Variants in WDFY4 observed in about 807,000 individuals in gnomAD.
WDFY4 encodes WD repeat- and FYVE domain-containing protein 4.
WDFY4 carries 169 observed loss-of-function variants against 351.9 expected under a neutral mutation model. The ratio of observed to expected loss-of-function variants is 0.48; its 90% CI spans 0.42 to 0.55. The LOEUF (loss-of-function observed/expected upper bound fraction) is 0.55. Ranked by LOEUF, WDFY4 falls within the 20% of genes least tolerant of loss-of-function variation. WDFY4 has a pLI of 0.00. For missense variants in WDFY4, 3,803 were observed against 3,935.6 expected (o/e 0.97, Z 0.90); for synonymous variants, 1,622 against 1,574.6 (o/e 1.03, Z -0.71).
At chr10:48,806,820 T>C (rs1223164324) in intron 27 of WDFY4, among the ~76,000 whole-genome samples, 1 of 152,228 alleles carries the variant, frequency 6.6e-6, no homozygotes, top group Non-Finnish European at 1.5e-5. Context: ...TTTTAACTAA[T>C]TAAAATTAAA....
intron 32 of WDFY4, among the ~76,000 whole-genome samples, chr10:48,818,937 C>A (rs1023551794): frequency 6.6e-6 from 1 of 152,192 alleles, no homozygotes; most frequent in Admixed American, 6.5e-5. Context: ...GGCTCCCCCT[C>A]GACACTTCCC....
Position 48,786,686 on chromosome 10 carries a change from A to G in WDFY4, c.3624A>G (p.Pro1208=), listed in dbSNP as rs1401583020. The change falls in exon 20 of 62, where the codon CCA becomes CCG. Residue 1208 remains proline (P), a synonymous_variant. Coordinates refer to ENST00000325239, the MANE Select transcript of WDFY4 (RefSeq NM_001394531.1). The stretch of plus-strand genomic sequence containing the variant: ...CAGGGCCTTTCCTTTCTATGGATCC[A>G]TCCGCATTTGTGGATGTTTATGGAT... ...ALPGPFLSMD[P]SAFVDVYGYI... is the part of the protein sequence containing the mutation. The G allele has an allele frequency of 6.4e-7, 1 of 1,552,194 alleles. No homozygotes were observed. The highest frequency in any genetic ancestry group is 8.7e-7 in the Non-Finnish European group (1 of 1,147,094).
chr10:48,765,500 C>G (rs1295018383), intron 13 of WDFY4, among the ~76,000 whole-genome samples: 3 of 152,216 alleles, frequency 2.0e-5, no homozygotes, highest in Non-Finnish European at 2.9e-5. Flanking sequence ...ACAGGACACA[C>G]TTGCTAAATG....
At position 48,810,667 on chromosome 10, in the gene WDFY4, G is replaced by A. The variant is rs369979261; in HGVS notation, c.4976G>A (p.Arg1659Gln). 3.4e-5 allele frequency: 53 copies of A among 1,551,590 alleles called. No homozygotes were observed. Among genetic ancestry groups the A allele is most frequent in the East Asian group, 4.9e-5 (2 of 40,914 alleles). ...CTGGCAAGCCCCTCCCTCCGCACAC[G>A]GTTTAGAGATGGCCTGTGTGCAGGA... ...YFLASPSLRT[R>Q]FRDGLCAGSW... The change falls in exon 29 of 62, where the codon CGG becomes CAG. Residue 1659 changes from arginine to glutamine, a missense_variant. Arg to Gln is a conservative substitution (Grantham distance 43). This residue lies in a region of WDFY4 where 3,054 missense variants were observed against 3,148.6 expected (regional missense o/e 0.97). Transcript: ENST00000325239.
Position 48,836,092 on chromosome 10 carries a change from A to G in WDFY4, c.6663+3383A>G, listed in dbSNP as rs201756405. On this transcript the variant is annotated intron_variant, in intron 39 of 61. Transcript: ENST00000325239. ...GCCTTTGTCGCTAACAGAAGGCACA[A>G]CTTCTCAGGTACATATGTACACTGT... 4.6e-5 allele frequency among the ~76,000 whole-genome samples: 7 copies of G among 152,334 alleles called. No homozygotes were observed. The East Asian group carries it at 9.6e-4, about 21-fold the overall frequency.
intron 43 of WDFY4, among the ~76,000 whole-genome samples, chr10:48,880,231 C>T (rs1259220674): frequency 1.3e-5 from 2 of 152,208 alleles, no homozygotes; most frequent in Non-Finnish European, 2.9e-5. Flanking sequence ...CCGAGTGAGT[C>T]CCAGCCCCGC....
chr10:48,957,521 G>T (rs914616809), intron 52 of WDFY4, among the ~76,000 whole-genome samples: 2 of 152,216 alleles, frequency 1.3e-5, no homozygotes, highest in Admixed American at 1.3e-4. Context: ...CTTTTCCTCC[G>T]AGGGTCCCAG....
In WDFY4 at chr10:48,826,735, A is replaced by C. The variant is rs1189088958; in HGVS notation, c.6047A>C (p.Lys2016Thr). The change falls in exon 36 of 62, where the codon AAA becomes ACA. Residue 2016 changes from lysine to threonine, a missense_variant. By Grantham distance (78) the Lys-to-Thr change is moderately conservative (BLOSUM62 -1). This residue lies in a region of WDFY4 where 3,054 missense variants were observed against 3,148.6 expected (regional missense o/e 0.97). Transcript: ENST00000325239. ...AGCACTTTATACAGCAGTTTAAATA[A>C]AGTCATTCTTTATTGCCTATCCAAG... ...VLSTLYSSLN[K>T]VILYCLSKPQ... The C allele has an allele frequency of 6.4e-7, 1 of 1,551,702 alleles. No individual in the cohort carries two copies. Among genetic ancestry groups the C allele is most frequent in the East Asian group, 2.4e-5 (1 of 40,936 alleles).
chr10:48,973,590 C>T (rs967315510), intron 57 of WDFY4, among the ~76,000 whole-genome samples: 14 of 152,254 alleles, frequency 9.2e-5, no homozygotes, highest in African/African-American at 3.4e-4. Context: ...AATGCCACCT[C>T]CGTGCCCCTC....
At chr10:48,851,702 G>GTTTTGACT (rs2068963498) in intron 39 of WDFY4, among the ~76,000 whole-genome samples, 1 of 152,274 alleles carries the variant, frequency 6.6e-6, no homozygotes, top group African/African-American at 2.4e-5. Flanking sequence ...ACTGTCATCA[G>GTTTTGACT]TGGTTAGCGG....
chr10:48,711,767 C>G (rs753195071), intron 2 of WDFY4, among the ~76,000 whole-genome samples: 1 of 152,198 alleles, frequency 6.6e-6, no homozygotes, highest in East Asian at 1.9e-4. Flanking sequence ...GAATAGCACA[C>G]TGTGTATTTC....
In WDFY4 at chr10:48,740,531, C is replaced by A. The variant is rs112324709; in HGVS notation, c.1879-2437C>A. ...GGCCTTGCCCAACTTAAGCCATGAG[C>A]TTTCACTTATGCACACTGAGTACCA... On this transcript the variant is annotated intron_variant, in intron 11 of 61. Transcript: ENST00000325239. Among the ~76,000 whole-genome samples, 159 of 152,216 alleles carry A rather than the reference C, an allele frequency of 1.0e-3. 1 individual carries two copies. Among genetic ancestry groups the A allele is most frequent in the African/African-American group, 3.7e-3 (153 of 41,550 alleles).
chr10:48,694,646 G>A (rs1589398261), intron 1 of WDFY4, among the ~76,000 whole-genome samples: 1 of 152,142 alleles, frequency 6.6e-6, no homozygotes, highest in East Asian at 1.9e-4. Context: ...CCATGTCCAT[G>A]TCCATCGGCT....
chr10:48,832,491 G>C, intron 38 of WDFY4, 82 bp from the exon 39 acceptor site: 1 of 1,420,946 alleles, frequency 7.0e-7, no homozygotes, highest in Non-Finnish European at 9.3e-7. Context: ...GCCCCTGGCT[G>C]GCCCTTTGAA....
At chr10:48,719,039 T>C (rs2132262560) in intron 2 of WDFY4, among the ~76,000 whole-genome samples, 1 of 152,284 alleles carries the variant, frequency 6.6e-6, no homozygotes, top group Non-Finnish European at 1.5e-5. Flanking sequence ...GGAGAAGAAT[T>C]TTTTAAGCCT....
chr10:48,928,353 C>T lies in WDFY4; in HGVS notation c.7587-13453C>T, dbSNP rs927651104. ...TGGCCCTTGGAGGCTTTGGTTTTGA[C>T]GTGTGTGTGTGTGTGTGTGTGTGTG... is the stretch of plus-strand genomic sequence containing the variant. On this transcript the variant is annotated intron_variant, in intron 47 of 61. Transcript: ENST00000325239. 1.2e-3 allele frequency among the ~76,000 whole-genome samples: 144 copies of T among 125,044 alleles called. 1 individual carries two copies. Among genetic ancestry groups the T allele is most frequent in the African/African-American group, 3.7e-3 (129 of 34,742 alleles). 82.0% of individuals were successfully genotyped at this position (125,044 alleles called of 152,430 possible). A position where few individuals can be genotyped will look rare whatever the true frequency, so the allele number is the denominator to read the frequency against.
intron 24 of WDFY4, among the ~76,000 whole-genome samples, chr10:48,802,551 A>G (rs980928468): frequency 1.3e-5 from 2 of 148,562 alleles, no homozygotes; most frequent in African/African-American, 5.0e-5. Flanking sequence ...TTAGAGAAGA[A>G]AAATATTAGA....
At chr10:48,742,923 T>C (rs1316293823) in intron 11 of WDFY4, 45 bp from the exon 12 acceptor site, 1 of 1,492,968 alleles carries the variant, frequency 6.7e-7, no homozygotes, top group Non-Finnish European at 9.0e-7. Context: ...TCAGGGTTAA[T>C]CTACCTCCTG....
intron 50 of WDFY4, 76 bp from the exon 51 acceptor site, chr10:48,946,784 C>T: frequency 9.3e-7 from 1 of 1,070,122 alleles, no homozygotes; most frequent in East Asian, 2.6e-5. Context: ...CGTTCATGAA[C>T]ACAGTGTAGC....
Sources: allele counts gnomAD v4.1 joint callset (sites outside exome capture counted in the v4.1 genomes callset), GRCh38; gene constraint gnomAD v4.1.1; regional missense constraint gnomAD v4.1.1; transcripts MANE v1.5; gene names NCBI Gene and HGNC (gene_info 2026-07-23, HGNC 2026-07-21).